The following CBFA2T3 variants were observed in gnomAD, a reference collection of about 807,000 sequenced individuals.
CBFA2T3 encodes CBFA2/RUNX1 partner transcriptional co-repressor 3, also known as transcriptional corepressor CBFA2T3.
Under a neutral mutation model 58.6 loss-of-function variants are expected in CBFA2T3, and 31 were observed. The ratio of observed to expected loss-of-function variants is 0.53; its 90% CI spans 0.40 to 0.71. The LOEUF (loss-of-function observed/expected upper bound fraction) is 0.71. CBFA2T3 is among the 30% of genes least tolerant of loss of function. CBFA2T3 has a pLI of 0.00. For missense variants in CBFA2T3, 1,076 were observed against 963.1 expected (o/e 1.12, Z -1.55); for synonymous variants, 531 against 421.9 (o/e 1.26, Z -3.17).
At chr16:88,926,446 C>A (rs917619219) in intron 1 of CBFA2T3, among the ~76,000 whole-genome samples, 2 of 152,210 alleles carry the variant, frequency 1.3e-5, no homozygotes, top group Admixed American at 1.3e-4. Context: ...CAGCCCTGTG[C>A]TGTGGTTTTC....
intron 1 of CBFA2T3, among the ~76,000 whole-genome samples, chr16:88,908,366 AAG>A (rs1436419450): frequency 2.6e-5 from 4 of 151,942 alleles, no homozygotes; most frequent in African/African-American, 4.8e-5. Context: ...GGAAAAGAAA[AAG>A]AAAATTCCCA....
At chr16:88,937,588 G>C (rs537670720) in intron 1 of CBFA2T3, 1 of 152,260 alleles carries the variant, frequency 6.6e-6, no homozygotes, top group Non-Finnish European at 1.5e-5. Context: ...GTACCCACCC[G>C]CGTCGGGCTC....
At chr16:88,936,296 G>A (rs564834176) in intron 1 of CBFA2T3, among the ~76,000 whole-genome samples, 19 of 152,264 alleles carry the variant, frequency 1.2e-4, no homozygotes, top group African/African-American at 7.2e-5. Context: ...CTGCCTCCCC[G>A]GTGTGGACTT....
intron 10 of CBFA2T3, chr16:88,879,706 G>A (rs972825124): frequency 1.6e-4 from 79 of 487,940 alleles, no homozygotes; most frequent in African/African-American, 1.2e-3. Flanking sequence ...AATAAACACA[G>A]GCATCCCAGG....
chr16:88,934,932 G>A (rs112972521), intron 1 of CBFA2T3, among the ~76,000 whole-genome samples: 2,048 of 152,282 alleles, frequency 0.013, 49 homozygotes, highest in African/African-American at 0.047. Context: ...AGTAGAGACG[G>A]GGTTTCACCG....
rs970266219 is a variant in CBFA2T3 at position 88,973,015 on chromosome 16, C to A, written c.151+3642G>T. 2.6e-5 allele frequency among the ~76,000 whole-genome samples: 4 copies of A among 152,202 alleles called. No homozygotes were observed. The East Asian group carries it at 7.7e-4, about 29-fold the overall frequency. On this transcript the variant is annotated intron_variant, in intron 1 of 11. Coordinates refer to ENST00000268679, the MANE Select transcript of CBFA2T3 (RefSeq NM_005187.6). ...TGCCTCTGGCTGGAGCCCACAGACA[C>A]CCTGGCCGAGCTCTGCATGATCCAC... is the stretch of plus-strand genomic sequence containing the variant.
chr16:88,919,444 A>G (rs1021057292), intron 1 of CBFA2T3, among the ~76,000 whole-genome samples: 7 of 152,222 alleles, frequency 4.6e-5, no homozygotes, highest in African/African-American at 1.4e-4. Flanking sequence ...TCTTTGCAGC[A>G]CCAGGGAACA....
intron 1 of CBFA2T3, chr16:88,950,433 C>G (rs763025708): frequency 2.3e-6 from 1 of 427,066 alleles, no homozygotes; most frequent in Non-Finnish European, 4.6e-6. Context: ...CACAGAGGGT[C>G]AGAGTGTTGG....
chr16:88,975,012 A>G (rs1046581599), intron 1 of CBFA2T3, among the ~76,000 whole-genome samples: 2 of 147,004 alleles, frequency 1.4e-5, no homozygotes, highest in Non-Finnish European at 3.0e-5. Context: ...CAGGGGCAGG[A>G]CCCCGCACCC....
chr16:88,974,593 G>T (rs959926997), intron 1 of CBFA2T3, among the ~76,000 whole-genome samples: 1 of 152,224 alleles, frequency 6.6e-6, no homozygotes, highest in Non-Finnish European at 1.5e-5. Flanking sequence ...AAGACAGGAA[G>T]GTTCTTCTAC....
chr16:88,901,010 GCC>G (rs1970076501), intron 2 of CBFA2T3, among the ~76,000 whole-genome samples: 1 of 152,270 alleles, frequency 6.6e-6, no homozygotes, highest in Non-Finnish European at 1.5e-5. Context: ...TGAGATCTGA[GCC>G]CCTCCAAGGC....
Position 88,885,996 on chromosome 16 carries a change from T to C in CBFA2T3, c.858A>G (p.Glu286=). 1 of 1,556,074 alleles carries C rather than the reference T, an allele frequency of 6.4e-7. No individual in the cohort carries two copies. The highest frequency in any genetic ancestry group is 8.7e-7 in the Non-Finnish European group (1 of 1,150,654). ...TCCTCCTCTTGCCGTTCTCGTTGAC[T>C]TCCAGTAGCAGCTCTGAGGAGTCGA... ...SPIDSSELLL[E]VNENGKRRTP... is the part of the protein sequence containing the mutation. The change falls in exon 6 of 12, where the codon GAA becomes GAG. Residue 286 remains glutamate, a synonymous_variant. Transcript: ENST00000268679. This position sits in a 1 kb window ranked among gnomAD's most constrained non-coding sequence, Gnocchi z 5.3.
At chr16:88,971,202 T>C (rs1972647883) in intron 1 of CBFA2T3, among the ~76,000 whole-genome samples, 2 of 152,250 alleles carry the variant, frequency 1.3e-5, no homozygotes, top group African/African-American at 4.8e-5. Context: ...CTCTGCCTCC[T>C]GGGTTCACAC....
intron 1 of CBFA2T3, among the ~76,000 whole-genome samples, chr16:88,967,030 T>C (rs1249127923): frequency 6.6e-6 from 1 of 152,136 alleles, no homozygotes; most frequent in Non-Finnish European, 1.5e-5. Flanking sequence ...TGAAGCATTG[T>C]TTGTAGCACG....
intron 1 of CBFA2T3, among the ~76,000 whole-genome samples, chr16:88,941,546 C>A (rs949799799): frequency 6.7e-6 from 1 of 148,198 alleles, no homozygotes; most frequent in Non-Finnish European, 1.5e-5. Flanking sequence ...AAGAACTGGC[C>A]GTGGGGGCCG....
rs1476321391 is a variant in CBFA2T3 at position 88,905,670 on chromosome 16, T to TGGGGCTGAAGGAGGGGC, written c.152-4031_152-4015dup. ...TGATCAGGGCGGGCCTGAGGGGAGG[T>TGGGGCTGAAGGAGGGGC]GGGGCTGAAGGAGGGGCGGGGCTGA... On this transcript the variant is annotated intron_variant, in intron 1 of 11. Coordinates refer to ENST00000268679, the MANE Select transcript of CBFA2T3 (RefSeq NM_005187.6). 1.1e-4 allele frequency among the ~76,000 whole-genome samples: 7 copies of TGGGGCTGAAGGAGGGGC among 66,422 alleles called. No individual in the cohort carries two copies. In the East Asian group the frequency reaches 2.3e-3, roughly 22 times the overall value. 43.6% of individuals were successfully genotyped at this position (66,422 alleles called of 152,430 possible). A position where few individuals can be genotyped will look rare whatever the true frequency, so the allele number is the denominator to read the frequency against.
chr16:88,892,793 A>T (rs562034258), intron 3 of CBFA2T3, among the ~76,000 whole-genome samples: 1 of 152,082 alleles, frequency 6.6e-6, no homozygotes, highest in East Asian at 1.9e-4. Flanking sequence ...CAGGTCCCCA[A>T]TGGGTAAGGG....
intron 1 of CBFA2T3, among the ~76,000 whole-genome samples, chr16:88,948,858 C>A (rs984643135): frequency 3.3e-5 from 5 of 152,128 alleles, no homozygotes; most frequent in African/African-American, 1.2e-4. Flanking sequence ...CACACGAGAA[C>A]CAGGCCAAGC....
At position 88,885,345 on chromosome 16, in the gene CBFA2T3, G is replaced by C. The variant is rs931883414; in HGVS notation, c.894-76C>G. On this transcript the variant is annotated intron_variant, in intron 6 of 11. Coordinates refer to ENST00000268679, the MANE Select transcript of CBFA2T3 (RefSeq NM_005187.6). The surrounding 1 kb of genome is among the most constrained non-coding windows in gnomAD (Gnocchi z 5.3). ...GGACAGAGGTGCAGGTGGGGTGAGA[G>C]GCAGACAGGCAAGGGCAGAGAGAAA... 2.0e-5 allele frequency: 20 copies of C among 997,712 alleles called. No homozygotes were observed. The highest frequency in any genetic ancestry group is 2.8e-5 in the Non-Finnish European group (20 of 704,332). 61.8% of individuals were successfully genotyped at this position (997,712 alleles called of 1,614,324 possible).
Sources: gnomAD v4.1 joint callset for allele counts (sites outside exome capture counted in the v4.1 genomes callset) on GRCh38, gnomAD v4.1.1 for gene constraint, Gnocchi (gnomAD v3.1) non-coding constraint, MANE v1.5 for transcripts, NCBI Gene and HGNC (gene_info 2026-07-23, HGNC 2026-07-21) for gene names.